The following TNRC6B variants were observed in gnomAD, a reference collection of about 807,000 sequenced individuals.
The protein encoded by TNRC6B is trinucleotide repeat containing adaptor 6B.
In TNRC6B, 52 loss-of-function variants were observed where a neutral mutation model predicts 203.6. That is an observed-to-expected ratio of 0.26 (90% confidence interval 0.20 to 0.32). TNRC6B has a LOEUF of 0.32. Ranked by LOEUF, TNRC6B falls within the 10% of genes least tolerant of loss-of-function variation. The pLI, the probability that TNRC6B is intolerant of heterozygous loss-of-function variation, is 1.00. For missense variants in TNRC6B, 1,923 were observed against 2,286.2 expected (o/e 0.84, Z 3.24); for synonymous variants, 838 against 845.7 (o/e 0.99, Z 0.16).
chr22:40,047,464 G>A (rs941256252), intron 1 of TNRC6B, among the ~76,000 whole-genome samples: 2 of 152,076 alleles, frequency 1.3e-5, no homozygotes, highest in African/African-American at 2.4e-5. Context: ...TTAGCCGGGC[G>A]TGGTGGTGGG....
intron 15 of TNRC6B, among the ~76,000 whole-genome samples, chr22:40,308,089 G>A (rs2071115542): frequency 6.6e-6 from 1 of 152,020 alleles, no homozygotes; most frequent in South Asian, 2.1e-4. Context: ...CCTCCCTGAG[G>A]CCCTAGATCA....
chr22:40,045,958 G>A (rs2067684271), intron 1 of TNRC6B, among the ~76,000 whole-genome samples: 1 of 152,122 alleles, frequency 6.6e-6, no homozygotes. Flanking sequence ...ACGAGAGGAT[G>A]GTGAATTTCA....
At chr22:40,167,193 A>T (rs1385761790) in intron 4 of TNRC6B, among the ~76,000 whole-genome samples, 2 of 152,190 alleles carry the variant, frequency 1.3e-5, no homozygotes, top group Non-Finnish European at 2.9e-5. Context: ...ACATAAATTT[A>T]GTTTATTCCA....
intron 3 of TNRC6B, chr22:40,253,732 G>C (rs1211495788): frequency 2.2e-6 from 1 of 455,968 alleles, no homozygotes; most frequent in Non-Finnish European, 4.4e-6. Flanking sequence ...AACAGAGGGA[G>C]GGCCTGACCT....
At chr22:40,154,113 T>A (rs2068787950) in intron 3 of TNRC6B, among the ~76,000 whole-genome samples, 1 of 151,940 alleles carries the variant, frequency 6.6e-6, no homozygotes, top group Admixed American at 6.6e-5. Flanking sequence ...TCCCCCGAAG[T>A]AGCTGGGACT....
chr22:40,255,245 C>A (rs1182459403), intron 3 of TNRC6B, among the ~76,000 whole-genome samples: 6 of 152,240 alleles, frequency 3.9e-5, no homozygotes, highest in Non-Finnish European at 7.3e-5. Context: ...CAGGGAAAAG[C>A]TTCTAGCTCA....
intron 16 of TNRC6B, 26 bp downstream of exon 16, chr22:40,308,675 C>T: frequency 1.3e-6 from 2 of 1,593,908 alleles, no homozygotes; most frequent in South Asian, 1.1e-5. Flanking sequence ...AAAGCTAGAG[C>T]CCCCAACCCA....
At chr22:40,208,408 A>T (rs2069515422) in intron 1 of TNRC6B, among the ~76,000 whole-genome samples, 1 of 152,236 alleles carries the variant, frequency 6.6e-6, no homozygotes. Flanking sequence ...CTTAATGCCC[A>T]TCAGTAGGCA....
At chr22:40,297,551 C>T (rs1051633991) in intron 12 of TNRC6B, among the ~76,000 whole-genome samples, 2 of 152,140 alleles carry the variant, frequency 1.3e-5, no homozygotes, top group Admixed American at 6.5e-5. Flanking sequence ...AGGCCAGGCA[C>T]GGTGGCTCAC....
intron 1 of TNRC6B, among the ~76,000 whole-genome samples, chr22:40,098,122 A>G (rs978096091): frequency 1.3e-5 from 2 of 152,148 alleles, no homozygotes; most frequent in African/African-American, 4.8e-5. Flanking sequence ...ATGGTGGCTC[A>G]TGCCTGTAAT....
In TNRC6B at chr22:40,131,365, G is replaced by A. The variant is rs888797764; in HGVS notation, c.45+5503G>A. ...ATGGATTAGGATTATATATTCTTCG[G>A]GAGTTGGGAATTGTAGACTTTGACC... On this transcript the variant is annotated intron_variant, in intron 3 of 23. Transcript: ENST00000301923. 2.0e-5 allele frequency among the ~76,000 whole-genome samples: 3 copies of A among 151,826 alleles called. No homozygotes were observed. The East Asian group carries it at 5.8e-4, about 29-fold the overall frequency.
intron 1 of TNRC6B, among the ~76,000 whole-genome samples, chr22:40,052,028 A>G (rs1569243954): frequency 6.6e-6 from 1 of 152,162 alleles, no homozygotes; most frequent in African/African-American, 2.4e-5. Context: ...ACTCTAAACC[A>G]TGCTCTCCAC....
intron 2 of TNRC6B, among the ~76,000 whole-genome samples, chr22:40,125,467 C>T (rs1188600199): frequency 6.6e-6 from 1 of 152,134 alleles, no homozygotes; most frequent in African/African-American, 2.4e-5. Context: ...AAGAATTTCA[C>T]CACCACCTCT....
chr22:40,313,670 C>T (rs1203229141), intron 19 of TNRC6B, among the ~76,000 whole-genome samples: 1 of 152,226 alleles, frequency 6.6e-6, no homozygotes, highest in Non-Finnish European at 1.5e-5. Flanking sequence ...CAGGCAAAAG[C>T]AAATAAAGTA....
intron 1 of TNRC6B, among the ~76,000 whole-genome samples, chr22:40,189,194 T>C (rs1355675608): frequency 2.0e-5 from 3 of 152,226 alleles, no homozygotes; most frequent in Non-Finnish European, 4.4e-5. Flanking sequence ...TCAAACCGAA[T>C]TGGCCATCCA....
chr22:40,048,540 C>CAA (rs575286994), intron 1 of TNRC6B, among the ~76,000 whole-genome samples: 4,714 of 85,196 alleles, frequency 0.055, 273 homozygotes, highest in African/African-American at 0.16. Context: ...GGCTCCGTCT[C>CAA]AAAAAAAAAA....
chr22:40,313,445 G>C (rs1389352031), intron 19 of TNRC6B, among the ~76,000 whole-genome samples: 2 of 150,414 alleles, frequency 1.3e-5, no homozygotes, highest in Non-Finnish European at 3.0e-5. Context: ...AAAAAAAAAA[G>C]GACCTTGATT....
chr22:40,178,098 A>G lies in TNRC6B; in HGVS notation c.-38A>G, dbSNP rs570795197. The G allele has an allele frequency of 1.2e-6, 2 of 1,610,782 alleles. No homozygotes were observed. The highest frequency in any genetic ancestry group is 1.7e-5 in the Admixed American group (1 of 59,252). On this transcript the variant is annotated 5_prime_UTR_variant, in exon 1 of 23. An upstream start codon of the reference 5' UTR is lost. Coordinates refer to ENST00000454349, the MANE Select transcript of TNRC6B (RefSeq NM_001162501.2). ...TTTTTCATTTCCATTTCTACCTTGT[A>G]TGCCTCAATTTGCTGGATTTAAGCA...
chr22:40,069,784 G>A (rs2067931344), intron 1 of TNRC6B, among the ~76,000 whole-genome samples: 1 of 152,066 alleles, frequency 6.6e-6, no homozygotes, highest in Admixed American at 6.5e-5. Context: ...CACTGCGCCC[G>A]GCCGAGAGCT....
Sources: allele counts gnomAD v4.1 joint callset (sites outside exome capture counted in the v4.1 genomes callset), GRCh38; gene constraint gnomAD v4.1.1; transcripts MANE v1.5; gene names NCBI Gene and HGNC (gene_info 2026-07-23, HGNC 2026-07-21).